MARF1: variants seen among roughly 807,000 people sequenced by gnomAD.
MARF1 encodes the protein limkain-b1.
In MARF1, 24 loss-of-function variants were observed where a neutral mutation model predicts 168.2. The ratio of observed to expected loss-of-function variants is 0.14; its 90% CI spans 0.10 to 0.20. The LOEUF is 0.20. Ranked by LOEUF, MARF1 falls within the 10% of genes least tolerant of loss-of-function variation. MARF1 has a pLI of 1.00. For synonymous variants in MARF1, 868 were observed against 822.4 expected (o/e 1.06, Z -0.95); for missense variants, 1,744 against 2,143.6 (o/e 0.81, Z 3.68).
chr16:15,599,121 AAAGAT>A (rs2032103870), intron 25 of MARF1, 97 bp from the exon 26 acceptor site: 1 of 1,020,100 alleles, frequency 9.8e-7, no homozygotes, highest in Non-Finnish European at 1.5e-6. Context: ...TCTAAGCCTT[AAAGAT>A]AAGAGAGTCA....
intron 26 of MARF1, among the ~76,000 whole-genome samples, chr16:15,598,131 G>A (rs1296450482): frequency 6.6e-6 from 1 of 152,170 alleles, no homozygotes; most frequent in African/African-American, 2.4e-5. Flanking sequence ...CTCTCCAGAG[G>A]CCAGGAGACA....
chr16:15,630,529 C>G, intron 6 of MARF1, 25 bp from the exon 7 acceptor site: 1 of 1,589,334 alleles, frequency 6.3e-7, no homozygotes, highest in South Asian at 1.1e-5. Flanking sequence ...ACAGACCAAC[C>G]CCATCCCCAA....
chr16:15,600,497 C>T lies in MARF1; in HGVS notation c.4744G>A (p.Gly1582Ser). The change falls in exon 25 of 27, where the codon GGC (glycine) becomes AGC (serine). Residue 1582 changes from glycine to serine, a missense_variant. Coordinates refer to ENST00000396368, the MANE Select transcript of MARF1 (RefSeq NM_014647.4). ...PANHENQPSEGERILEVPESH... is the reference protein window; with the variant it reads ...PANHENQPSESERILEVPESH... Reference sequence around the variant, plus strand: ...TCGGGCACCTCCAGGATGCGCTCGCCCTCCGAGGGCTGGTTTTCATGATTG... The same window carrying T: ...TCGGGCACCTCCAGGATGCGCTCGCTCTCCGAGGGCTGGTTTTCATGATTG... 6.2e-7 allele frequency: 1 copy of T among 1,614,164 alleles called. No individual in the cohort carries two copies. Among genetic ancestry groups the T allele is most frequent in the Non-Finnish European group, 8.5e-7 (1 of 1,180,044 alleles).
chr16:15,611,255 G>T, intron 18 of MARF1, 147 bp from the exon 19 acceptor site: 1 of 730,250 alleles, frequency 1.4e-6, no homozygotes, highest in Non-Finnish European at 2.2e-6. Flanking sequence ...TCAAGAGATC[G>T]CGACCATCCT....
chr16:15,635,456 A>T, intron 3 of MARF1, 200 bp downstream of exon 3: 1 of 564,026 alleles, frequency 1.8e-6, no homozygotes, highest in South Asian at 2.6e-5. Context: ...AAAAATAATG[A>T]CTCTCTACTT....
At chr16:15,599,897 G>A (rs1267752548) in intron 25 of MARF1, among the ~76,000 whole-genome samples, 1 of 152,188 alleles carries the variant, frequency 6.6e-6, no homozygotes, top group Non-Finnish European at 1.5e-5. Flanking sequence ...TGCTGAACTT[G>A]CCGGCTCGCT....
At chr16:15,609,495 T>G in intron 20 of MARF1, 28 bp downstream of exon 20, 1 of 1,576,144 alleles carries the variant, frequency 6.3e-7, no homozygotes, top group Non-Finnish European at 8.7e-7. Flanking sequence ...AGAAAAATAC[T>G]TTATAAAATT....
intron 3 of MARF1, 66 bp from the exon 4 acceptor site, chr16:15,634,997 T>G: frequency 7.1e-7 from 1 of 1,403,544 alleles, no homozygotes; most frequent in Non-Finnish European, 9.9e-7. Context: ...TGGAGTTATA[T>G]ACAACAACTG....
chr16:15,630,646 AAC>A (rs1320302993), intron 6 of MARF1, 142 bp from the exon 7 acceptor site: 7 of 629,384 alleles, frequency 1.1e-5, no homozygotes, highest in African/African-American at 5.6e-5. Context: ...TTAGGAAAGA[AAC>A]ACGTTTCACA....
chr16:15,603,752 C>T (rs2032744498), intron 22 of MARF1, among the ~76,000 whole-genome samples: 1 of 125,484 alleles, frequency 8.0e-6, no homozygotes, highest in South Asian at 2.7e-4. Context: ...GAGCGCCATT[C>T]TTGAAAGGCT....
intron 13 of MARF1, 125 bp from the exon 14 acceptor site, chr16:15,617,660 T>C: frequency 1.5e-6 from 1 of 684,260 alleles, no homozygotes; most frequent in East Asian, 2.5e-5. Context: ...AAGGTAAAAC[T>C]GGAATAATTC....
chr16:15,612,067 T>C (rs1161835671), intron 17 of MARF1, among the ~76,000 whole-genome samples: 3 of 152,228 alleles, frequency 2.0e-5, no homozygotes, highest in Non-Finnish European at 4.4e-5. Context: ...TCTACAAGTT[T>C]TTCAAGCCGT....
At chr16:15,614,467 G>C (rs1228703600) in intron 16 of MARF1, among the ~76,000 whole-genome samples, 1 of 125,072 alleles carries the variant, frequency 8.0e-6, no homozygotes, top group Admixed American at 8.9e-5. Flanking sequence ...TGGTGACAGA[G>C]GGTGACTCCG....
chr16:15,641,301 T>C (rs1201865978), intron 1 of MARF1, among the ~76,000 whole-genome samples: 4 of 152,304 alleles, frequency 2.6e-5, no homozygotes, highest in East Asian at 1.9e-4. Context: ...TTGGGAGTGG[T>C]TAATTTGGAG....
chr16:15,596,618 G>A lies in MARF1; in HGVS notation c.*75C>T. The A allele has an allele frequency of 7.0e-7, 1 of 1,423,790 alleles. No individual in the cohort carries two copies. The highest frequency in any genetic ancestry group is 9.4e-7 in the Non-Finnish European group (1 of 1,066,280). The allele number at this position is 1,423,790 out of a possible 1,614,324, so 88.2% of individuals were successfully genotyped here. On this transcript the variant is annotated 3_prime_UTR_variant, in exon 27 of 27. Transcript: ENST00000396368. ...GGGTTTTCATGACACAGAAAAGGAT[G>A]TATTTTTGAAACCCACTTTTGTGTG...
chr16:15,601,740 T>G, intron 23 of MARF1: 1 of 568,580 alleles, frequency 1.8e-6, no homozygotes, highest in Middle Eastern at 4.7e-4. Context: ...ACTCTCCCAT[T>G]AACCAACACC....
In MARF1 at chr16:15,600,628, G is replaced by C. The variant is rs752705908; in HGVS notation, c.4687+13C>G. ...TGATTTTTTAAGGGGGGAGGGGATGGGTGCTTACTTACTTTTCATGTCATT... is the reference window on the plus strand; with the variant it reads ...TGATTTTTTAAGGGGGGAGGGGATGCGTGCTTACTTACTTTTCATGTCATT... On this transcript the variant is annotated intron_variant, in intron 24 of 26. Transcript: ENST00000396368. The C allele has an allele frequency of 6.2e-7, 1 of 1,613,800 alleles. No homozygotes were observed. Among genetic ancestry groups the C allele is most frequent in the African/African-American group, 1.3e-5 (1 of 74,884 alleles).
Position 15,635,835 on chromosome 16 carries a change from A to T in MARF1, c.652T>A (p.Cys218Ser). ...CAGGGGAAATAGCCAGCGGAGGTGC[A>T]GCCCTGCAGACTCGGAAACTGATGC... Reference protein sequence around the residue: ...KLHQFPSLQGCTSAGYFPCSD... With the variant: ...KLHQFPSLQGSTSAGYFPCSD... The change falls in exon 3 of 27, where the codon TGC becomes AGC. Residue 218 changes from cysteine (C) to serine (S), a missense_variant. Coordinates refer to ENST00000396368, the MANE Select transcript of MARF1 (RefSeq NM_014647.4). 1 of 1,614,252 alleles carries T rather than the reference A, an allele frequency of 6.2e-7. No individual in the cohort carries two copies. The highest frequency in any genetic ancestry group is 8.5e-7 in the Non-Finnish European group (1 of 1,180,042).
intron 7 of MARF1, among the ~76,000 whole-genome samples, chr16:15,630,014 T>A (rs2035144973): frequency 6.6e-6 from 1 of 152,328 alleles, no homozygotes; most frequent in African/African-American, 2.4e-5. Context: ...GCAAAAAGAA[T>A]CATGACTTTT....
Sources: gnomAD v4.1 joint callset for allele counts (sites outside exome capture counted in the v4.1 genomes callset) on GRCh38, gnomAD v4.1.1 for gene constraint, MANE v1.5 for transcripts, NCBI Gene and HGNC (gene_info 2026-07-23, HGNC 2026-07-21) for gene names.